The following RAPSN variants were observed in gnomAD, a reference collection of about 807,000 sequenced individuals.
RAPSN encodes 43 kDa receptor-associated protein of the synapse.
A neutral mutation model predicts 45.7 loss-of-function variants in RAPSN; 33 were observed. That is an observed-to-expected ratio of 0.72 (90% CI 0.55 to 0.97). RAPSN has a LOEUF of 0.97. Among genes scored for constraint, RAPSN ranks in the 50% least tolerant of loss-of-function variants. RAPSN has a pLI of 0.00. For synonymous variants in RAPSN, 244 were observed against 233.6 expected, an observed-to-expected ratio of 1.04 and a Z score of -0.40; for missense variants, 519 against 559.4, an observed-to-expected ratio of 0.93 and a Z score of 0.73.
Position 47,448,918 on chromosome 11 carries a change from A to AG in RAPSN, c.46dup (p.Leu16ProfsTer142), listed in dbSNP as rs2153311780. On this transcript the variant is annotated frameshift_variant, in exon 1 of 8. Transcript: ENST00000298854. LOFTEE classifies it high-confidence loss of function. ...CTTCTCTGTCTGGTTGGACTGGTAC[A>AG]GCTGGAGCCCCTTCTCGATCTGCTG... 1.9e-6 allele frequency: 3 copies of AG among 1,614,240 alleles called. No homozygotes were observed. In the South Asian group the frequency reaches 3.3e-5, roughly 18 times the overall value.
Position 47,448,839 on chromosome 11 carries a change from G to A in RAPSN, c.126C>T (p.Arg42=). ...VLEKSSDLMG[R]FRVLGCLVTA... Reference sequence around the variant, plus strand: ...TGACCAGGCAGCCCAGCACGCGGAAGCGCCCCATGAGGTCCGAGCTCTTCT... The same window carrying A: ...TGACCAGGCAGCCCAGCACGCGGAAACGCCCCATGAGGTCCGAGCTCTTCT... The change falls in exon 1 of 8, where the codon CGC becomes CGT. Residue 42 remains arginine (R), a synonymous_variant. Transcript: ENST00000298854. 6.2e-7 allele frequency: 1 copy of A among 1,614,018 alleles called. No individual in the cohort carries two copies. Among genetic ancestry groups the A allele is most frequent in the Non-Finnish European group, 8.5e-7 (1 of 1,180,034 alleles).
chr11:47,439,962 A>C (rs1040606155), intron 6 of RAPSN, among the ~76,000 whole-genome samples: 1 of 151,898 alleles, frequency 6.6e-6, no homozygotes, highest in Admixed American at 6.6e-5. Flanking sequence ...GCCTCCCAAA[A>C]TGCAGGTGTG....
At chr11:47,443,883 T>C (rs931010801) in intron 2 of RAPSN, among the ~76,000 whole-genome samples, 2 of 127,692 alleles carry the variant, frequency 1.6e-5, no homozygotes, top group Non-Finnish European at 3.1e-5. Flanking sequence ...TGAGCTGAGA[T>C]TGCACCACTG....
In RAPSN at chr11:47,448,064, G is replaced by A. The variant is rs901210204; in HGVS notation, c.279C>T (p.Asn93=). 13 of 1,614,006 alleles carry A rather than the reference G, an allele frequency of 8.1e-6. No homozygotes were observed. The highest frequency in any genetic ancestry group is 6.7e-5 in the African/African-American group (5 of 75,014). Residue 93 remains asparagine (N), a synonymous_variant, in exon 2 of 8, where the codon AAC becomes AAT. Coordinates refer to ENST00000298854, the MANE Select transcript of RAPSN (RefSeq NM_005055.5). ...LESYLNLARS[N]EKLCEFHKTI... ...TCTTGTGAAACTCGCACAGCTTCTC[G>A]TTGCTGCGTGCCAGGTTCAGGTAGC... is the stretch of plus-strand genomic sequence containing the variant.
At position 47,441,907 on chromosome 11, in the gene RAPSN, G is replaced by A. The variant is rs562539081; in HGVS notation, c.705C>T (p.Ile235=). 2.4e-5 allele frequency: 38 copies of A among 1,570,386 alleles called. No homozygotes were observed. The highest frequency in any genetic ancestry group is 5.6e-5 in the Admixed American group (3 of 53,970). Residue 235 remains isoleucine, a synonymous_variant, in exon 4 of 8, where the codon ATC becomes ATT. Transcript: ENST00000298854. The stretch of plus-strand genomic sequence containing the variant: ...GTGGCCGGTCCCCGTGCTGCAGCGC[G>A]ATCTTCATAGACTCCTGCGAGGGAG... ...AMECCEESMK[I]ALQHGDRPLQ... is the part of the protein sequence containing the mutation.
rs2076375861 is a variant in RAPSN, at chr11:47,442,782, C to T, written c.564G>A (p.Lys188=). ...DYEKALFFPC[K]AAELVNNYGK... The stretch of plus-strand genomic sequence containing the variant: ...CATAGTTGTTGACAAGCTCTGCCGC[C>T]TTGCAGGGGAAGAACAGGGCTTTCT... The change falls in exon 3 of 8, where the codon AAG becomes AAA. Residue 188 remains lysine, a synonymous_variant. Transcript: ENST00000298854. 3 of 1,614,152 alleles carry T rather than the reference C, an allele frequency of 1.9e-6. No homozygotes were observed. Among genetic ancestry groups the T allele is most frequent in the East Asian group, 4.5e-5 (2 of 44,904 alleles).
intron 6 of RAPSN, among the ~76,000 whole-genome samples, chr11:47,439,590 C>G (rs1290467483): frequency 1.3e-5 from 2 of 151,992 alleles, no homozygotes; most frequent in East Asian, 3.8e-4. Flanking sequence ...GGCTATAATC[C>G]AACCAAATTT....
chr11:47,441,558 C>T (rs2076362768), intron 5 of RAPSN, 53 bp downstream of exon 5: 1 of 1,598,854 alleles, frequency 6.3e-7, no homozygotes, highest in East Asian at 2.2e-5. Context: ...CCTACTGGCC[C>T]CAAGTGGGGA....
intron 7 of RAPSN, 182 bp downstream of exon 7, chr11:47,438,550 G>A (rs549319782): frequency 3.2e-5 from 21 of 659,760 alleles, no homozygotes; most frequent in African/African-American, 2.4e-4. Context: ...CTTGAACCCC[G>A]GGGCTCAAGT....
chr11:47,443,033 G>A (rs1056686210), intron 2 of RAPSN, among the ~76,000 whole-genome samples: 3 of 152,228 alleles, frequency 2.0e-5, no homozygotes, highest in Non-Finnish European at 2.9e-5. Context: ...GGTTTGTGAC[G>A]CATCCCAAGA....
At position 47,442,922 on chromosome 11, in the gene RAPSN, G is replaced by C. The variant is rs754052937; in HGVS notation, c.532-108C>G. The C allele has an allele frequency of 5.2e-6, 8 of 1,550,186 alleles. No homozygotes were observed. The African/African-American group carries it at 6.8e-5, about 13-fold the overall frequency. ...AACAGCAGGTAGGGGCAGGGGGCCCGAGTGTCTGCTCATTCATTGTGACAT... is the reference window on the plus strand; with the variant it reads ...AACAGCAGGTAGGGGCAGGGGGCCCCAGTGTCTGCTCATTCATTGTGACAT... On this transcript the variant is annotated intron_variant, in intron 2 of 7. Transcript: ENST00000298854.
intron 3 of RAPSN, 119 bp downstream of exon 3, chr11:47,442,537 G>A (rs1010732734): frequency 2.5e-6 from 3 of 1,187,210 alleles, no homozygotes; most frequent in African/African-American, 1.5e-5. Flanking sequence ...CTGGGCCAGA[G>A]GCAAGCCCTA....
intron 2 of RAPSN, 127 bp downstream of exon 2, chr11:47,447,685 T>C: frequency 8.7e-7 from 1 of 1,153,928 alleles, no homozygotes; most frequent in Non-Finnish European, 1.2e-6. Context: ...CTTTTTGCTC[T>C]CTGATTCTCA....
chr11:47,438,526 T>G (rs1048315068), intron 7 of RAPSN: 3 of 610,484 alleles, frequency 4.9e-6, no homozygotes, highest in Non-Finnish European at 8.6e-6. Context: ...TTTCACCATG[T>G]TGGCCAAGAT....
intron 2 of RAPSN, 44 bp from the exon 3 acceptor site, chr11:47,442,858 G>C: frequency 6.2e-7 from 1 of 1,610,104 alleles, no homozygotes; most frequent in East Asian, 2.2e-5. Context: ...GAGTGGCAGA[G>C]GCTGCCCCAA....
Position 47,441,745 on chromosome 11 carries a change from G to T in RAPSN, c.790-12C>A. The T allele has an allele frequency of 6.2e-7, 1 of 1,605,876 alleles. No homozygotes were observed. ...CTGGGGAAGGCTGTCTGCAGAGCCA[G>T]GTGGGGGATGGAATCAGGCTGTATC... On this transcript the variant is annotated splice_polypyrimidine_tract_variant and intron_variant, in intron 4 of 7. Coordinates refer to ENST00000298854, the MANE Select transcript of RAPSN (RefSeq NM_005055.5).
intron 7 of RAPSN, 134 bp downstream of exon 7, chr11:47,438,598 C>T: frequency 9.1e-7 from 1 of 1,103,098 alleles, no homozygotes; most frequent in South Asian, 1.5e-5. Context: ...GCTTGCGAGA[C>T]AGACGTGAGG....
At chr11:47,443,653 C>T (rs1286711478) in intron 2 of RAPSN, among the ~76,000 whole-genome samples, 1 of 151,996 alleles carries the variant, frequency 6.6e-6, no homozygotes, top group East Asian at 1.9e-4. Context: ...AAAAACTGGG[C>T]CAGGCACAGT....
chr11:47,444,542 AAAAAAC>A lies in RAPSN; in HGVS notation c.532-1734_532-1729del, dbSNP rs546144211. Among the ~76,000 whole-genome samples the A allele has an allele frequency of 1.8e-3, 270 of 151,916 alleles. 2 individuals are homozygous for A. Among genetic ancestry groups the A allele is most frequent in the Admixed American group, 3.1e-3 (48 of 15,248 alleles). ...TGACAGAGCAAGATCCTGTCTCAAA[AAAAAAC>A]AAAAACAAAAACAAAAACAAAAACC... On this transcript the variant is annotated intron_variant, in intron 2 of 7. Coordinates refer to ENST00000298854, the MANE Select transcript of RAPSN (RefSeq NM_005055.5).
Sources: gnomAD v4.1 joint callset for allele counts (sites outside exome capture counted in the v4.1 genomes callset) on GRCh38, gnomAD v4.1.1 for gene constraint, MANE v1.5 for transcripts, NCBI Gene and HGNC (gene_info 2026-07-23, HGNC 2026-07-21) for gene names.